The following MOK variants were observed in gnomAD, a reference collection of about 807,000 sequenced individuals.
MOK encodes the protein MOK protein kinase, also known as MAPK/MAK/MRK overlapping kinase.
In MOK, 59 loss-of-function variants were observed where a neutral mutation model predicts 54.2. That is an observed-to-expected ratio of 1.09 (90% confidence interval 0.88 to 1.35). The LOEUF is 1.35. MOK is among the 40% of genes most tolerant of loss of function. MOK has a pLI of 0.00. For synonymous variants in MOK, 210 were observed against 202.7 expected, an observed-to-expected ratio of 1.04 and a Z score of -0.31; for missense variants, 517 against 526.2, an observed-to-expected ratio of 0.98 and a Z score of 0.17.
In MOK at chr14:102,229,511, T is replaced by G; in HGVS notation, c.1128A>C (p.Thr376=). The change falls in exon 11 of 12, where the codon ACA becomes ACC. Residue 376 remains threonine, a synonymous_variant. Transcript: ENST00000361847. ...GTCTCAGCACCGGCACTCTTCCATT[T>G]GTTCCAGATCCAAGCACGGACTGCA... ...PTLQSVLGSG[T]NGRVPVLRPL... 2 of 1,614,170 alleles carry G rather than the reference T, an allele frequency of 1.2e-6. No individual in the cohort carries two copies. Among genetic ancestry groups the G allele is most frequent in the African/African-American group, 1.3e-5 (1 of 75,052 alleles).
chr14:102,281,281 G>A (rs1278985105), intron 2 of MOK, among the ~76,000 whole-genome samples: 5 of 151,020 alleles, frequency 3.3e-5, no homozygotes, highest in Non-Finnish European at 4.4e-5. Flanking sequence ...CCAAGATCAC[G>A]CCACTGCTCT....
At position 102,237,272 on chromosome 14, in the gene MOK, C is replaced by G. The variant is rs537369931; in HGVS notation, c.591-3483G>C. 2.0e-3 allele frequency among the ~76,000 whole-genome samples: 306 copies of G among 152,274 alleles called. 2 individuals are homozygous for G. Among genetic ancestry groups the G allele is most frequent in the African/African-American group, 6.6e-3 (276 of 41,552 alleles). On this transcript the variant is annotated intron_variant, in intron 7 of 11. Coordinates refer to ENST00000361847, the MANE Select transcript of MOK (RefSeq NM_014226.3). ...TCCTTTGCAGCCCCTCTCTAGAAGA[C>G]TCTCAAACTCACACAGTTACTCTCT... is the stretch of plus-strand genomic sequence containing the variant.
chr14:102,235,463 G>A lies in MOK; in HGVS notation c.591-1674C>T, dbSNP rs1472020107. ...CAGGCCCATGCCGATGACCTCCATC[G>A]GCAAGATCCTACTAGGCCAGTAGGG... On this transcript the variant is annotated intron_variant, in intron 7 of 11. Transcript: ENST00000361847. The surrounding 1 kb of genome is among the most constrained non-coding windows in gnomAD (Gnocchi z 4.4). 6.6e-6 allele frequency: 1 copy of A among 151,522 alleles called. No individual in the cohort carries two copies. The highest frequency in any genetic ancestry group is 2.4e-5 in the African/African-American group (1 of 41,200). 9.4% of individuals were successfully genotyped at this position (151,522 alleles called of 1,614,324 possible). A position where few individuals can be genotyped will look rare whatever the true frequency, so the allele number is the denominator to read the frequency against.
chr14:102,287,820 ATTT>A (rs71116893), intron 1 of MOK, among the ~76,000 whole-genome samples: 48 of 117,900 alleles, frequency 4.1e-4, no homozygotes, highest in Middle Eastern at 4.9e-3. Context: ...GTTCTTTGAG[ATTT>A]TTTTTTTTTT....
At chr14:102,233,568 C>T (rs1326864898) in intron 8 of MOK, 120 bp downstream of exon 8, 5 of 783,170 alleles carry the variant, frequency 6.4e-6, no homozygotes, top group Admixed American at 2.3e-5. Context: ...ACTTGAACCC[C>T]TGTAGTCAGC....
At position 102,231,731 on chromosome 14, in the gene MOK, C is replaced by T; in HGVS notation, c.957G>A (p.Gln319=). 1 of 1,611,514 alleles carries T rather than the reference C, an allele frequency of 6.2e-7. No homozygotes were observed. The highest frequency in any genetic ancestry group is 1.3e-5 in the African/African-American group (1 of 74,886). The part of the protein sequence containing the change: ...VAPEPLSNSC[Q]ISKEGRKQKQ... ...CCTGCTTTCTGCCCTCCTTGGAAAT[C>T]TGGCAGCTGTTACTGAGTGGTTCCG... Residue 319 remains glutamine (Q), a synonymous_variant, in exon 10 of 12, where the codon CAG becomes CAA. Transcript: ENST00000361847. The surrounding 1 kb of genome is among the most constrained non-coding windows in gnomAD (Gnocchi z 4.4).
chr14:102,253,829 A>T (rs2066720773), intron 4 of MOK, among the ~76,000 whole-genome samples: 1 of 152,176 alleles, frequency 6.6e-6, no homozygotes. Flanking sequence ...TTGGAAATCC[A>T]CTTCCTCCCT....
downstream of MOK, among the ~76,000 whole-genome samples, chr14:102,227,010 C>T (rs572532785): frequency 3.2e-4 from 49 of 152,254 alleles, no homozygotes; most frequent in South Asian, 9.3e-3. Flanking sequence ...CCTCCTCTTG[C>T]TTTAGGGACT....
chr14:102,267,021 T>C (rs900760518), intron 2 of MOK, among the ~76,000 whole-genome samples: 9 of 152,236 alleles, frequency 5.9e-5, no homozygotes, highest in Admixed American at 3.9e-4. Flanking sequence ...TGAGGCTAGC[T>C]ATCACTGCCC....
Position 102,229,320 on chromosome 14 carries a change from A to C in MOK, c.1229T>G (p.Leu410Arg), listed in dbSNP as rs1259573022. 1 of 1,613,052 alleles carries C rather than the reference A, an allele frequency of 6.2e-7. No individual in the cohort carries two copies. The highest frequency in any genetic ancestry group is 1.1e-5 in the South Asian group (1 of 90,936). The change falls in exon 12 of 12, where the codon CTG becomes CGG. Residue 410 changes from leucine (L) to arginine (R), a missense_variant. Physicochemically the swap from Leu to Arg is moderately radical, Grantham distance 102. Transcript: ENST00000361847. ...DLKPAPQQCR[L>R]PTIVRKGGR ...TCCGCCTTTCCGCACTATGGTGGGCAGGCGACACTGCTGCGGGGCAGGCTT... is the reference window on the plus strand; with the variant it reads ...TCCGCCTTTCCGCACTATGGTGGGCCGGCGACACTGCTGCGGGGCAGGCTT...
chr14:102,250,777 C>A, intron 7 of MOK, 35 bp downstream of exon 7: 1 of 1,600,126 alleles, frequency 6.2e-7, no homozygotes, highest in Non-Finnish European at 8.5e-7. Context: ...ACCGCTCCGC[C>A]GCAGGAACCA....
downstream of MOK, chr14:102,225,001 C>T (rs2064185487): frequency 2.9e-6 from 1 of 347,932 alleles, no homozygotes; most frequent in Non-Finnish European, 5.6e-6. Context: ...GGGCCCAAAA[C>T]AGCTACAGTG....
chr14:102,274,049 C>T (rs2068621435), intron 2 of MOK, among the ~76,000 whole-genome samples: 1 of 151,844 alleles, frequency 6.6e-6, no homozygotes, highest in Non-Finnish European at 1.5e-5. Flanking sequence ...GCTCCACCTC[C>T]TGGGTTCACT....
At chr14:102,227,811 G>A (rs373883011), downstream of MOK, among the ~76,000 whole-genome samples, 2 of 152,208 alleles carry the variant, frequency 1.3e-5, no homozygotes, top group African/African-American at 4.8e-5. Context: ...CTGCGGCCCC[G>A]CTGTCGTGTC....
intron 1 of MOK, among the ~76,000 whole-genome samples, chr14:102,301,622 T>C (rs1397833784): frequency 1.3e-5 from 2 of 152,228 alleles, no homozygotes; most frequent in African/African-American, 4.8e-5. Context: ...TCTCTGTGAT[T>C]TCCAGTTCTG....
intron 4 of MOK, among the ~76,000 whole-genome samples, chr14:102,259,708 T>C (rs2153124293): frequency 6.6e-6 from 1 of 152,242 alleles, no homozygotes; most frequent in African/African-American, 2.4e-5. Context: ...ACAAGCAACT[T>C]ATCTCCCCAT....
chr14:102,219,792 G>A (rs551819707), downstream of MOK, among the ~76,000 whole-genome samples: 6 of 152,352 alleles, frequency 3.9e-5, no homozygotes, highest in South Asian at 2.1e-4. Flanking sequence ...TCAAAAGGGC[G>A]AAGCCTGCTA....
the MOK span, chr14:102,214,949 T>G: frequency 2.0e-6 from 2 of 985,386 alleles, no homozygotes; most frequent in East Asian, 2.3e-4. Context: ...TCTGAAGTAC[T>G]GTGGGGCTGT....
intron 2 of MOK, among the ~76,000 whole-genome samples, chr14:102,266,596 T>C (rs1567196836): frequency 6.6e-6 from 1 of 152,174 alleles, no homozygotes; most frequent in Non-Finnish European, 1.5e-5. Context: ...TTTTTTGTTT[T>C]TTTGAAACGG....
Sources: gnomAD v4.1 joint callset for allele counts (sites outside exome capture counted in the v4.1 genomes callset) on GRCh38, gnomAD v4.1.1 for gene constraint, Gnocchi (gnomAD v3.1) non-coding constraint, MANE v1.5 for transcripts, NCBI Gene and HGNC (gene_info 2026-07-23, HGNC 2026-07-21) for gene names.